The following GREB1L variants were observed in gnomAD, a reference collection of about 807,000 sequenced individuals.
GREB1L encodes GREB1 like retinoic acid receptor coactivator.
GREB1L carries 17 observed loss-of-function variants against 200.8 expected under a neutral mutation model. The ratio of observed to expected loss-of-function variants is 0.08; its 90% CI spans 0.06 to 0.13. GREB1L has a LOEUF of 0.13. Among genes scored for constraint, GREB1L ranks in the 10% least tolerant of loss-of-function variants. The pLI is 1.00. For synonymous variants in GREB1L, 789 were observed against 893.0 expected, an observed-to-expected ratio of 0.88 and a Z score of 2.08; for missense variants, 1,657 against 2,367.7, an observed-to-expected ratio of 0.70 and a Z score of 6.23.
intron 6 of GREB1L, among the ~76,000 whole-genome samples, chr18:21,402,298 C>T (rs1040763521): frequency 2.0e-5 from 3 of 151,916 alleles, no homozygotes; most frequent in African/African-American, 7.3e-5. Flanking sequence ...TTTTAATTCC[C>T]TTCTTTAGCC....
chr18:21,511,895 C>T (rs2037251877), intron 27 of GREB1L, among the ~76,000 whole-genome samples: 1 of 152,216 alleles, frequency 6.6e-6, no homozygotes, highest in South Asian at 2.1e-4. Flanking sequence ...CCTCCTACCT[C>T]AGTCTCCCAA....
intron 2 of GREB1L, among the ~76,000 whole-genome samples, chr18:21,383,194 T>A (rs1288067444): frequency 6.6e-6 from 1 of 152,070 alleles, no homozygotes; most frequent in Non-Finnish European, 1.5e-5. Flanking sequence ...GTTAACCAGG[T>A]TGGGATTCAT....
intron 1 of GREB1L, among the ~76,000 whole-genome samples, chr18:21,330,105 A>G (rs2039086386): frequency 6.6e-6 from 1 of 152,126 alleles, no homozygotes; most frequent in South Asian, 2.1e-4. Context: ...GGTCCTGGCT[A>G]TGGGTCAGCT....
intron 15 of GREB1L, among the ~76,000 whole-genome samples, chr18:21,457,310 C>T (rs1448331606): frequency 1.3e-5 from 2 of 152,048 alleles, no homozygotes; most frequent in Admixed American, 6.6e-5. Flanking sequence ...ATGTTTGGCA[C>T]ACTCAAAGCA....
At chr18:21,310,470 G>A (rs2038773179) in intron 1 of GREB1L, among the ~76,000 whole-genome samples, 1 of 152,182 alleles carries the variant, frequency 6.6e-6, no homozygotes, top group South Asian at 2.1e-4. Context: ...TCCTTTTCAT[G>A]TCTGACTTAC....
At chr18:21,269,056 G>A (rs1401166716) in intron 1 of GREB1L, among the ~76,000 whole-genome samples, 1 of 152,042 alleles carries the variant, frequency 6.6e-6, no homozygotes, top group Admixed American at 6.5e-5. Flanking sequence ...CCAGGAAAAG[G>A]GTTACTTTTC....
chr18:21,363,271 A>ACCCCCC (rs1567951929), intron 1 of GREB1L, among the ~76,000 whole-genome samples: 1 of 7,310 alleles, frequency 1.4e-4, no homozygotes, highest in Non-Finnish European at 2.6e-4. Context: ...CCCTGCCCCC[A>ACCCCCC]CTCCGCCTCC....
At chr18:21,412,846 C>A (rs966314619) in intron 7 of GREB1L, among the ~76,000 whole-genome samples, 1 of 152,072 alleles carries the variant, frequency 6.6e-6, no homozygotes, top group Admixed American at 6.5e-5. Flanking sequence ...TTACCACCCC[C>A]CCCCACCACC....
chr18:21,522,580 G>A, intron 32 of GREB1L, 78 bp from the exon 33 acceptor site: 1 of 1,143,528 alleles, frequency 8.7e-7, no homozygotes, highest in Non-Finnish European at 1.2e-6. Context: ...TGTTAGCTTA[G>A]GAAATATAAT....
chr18:21,320,718 A>C (rs1355731155), intron 1 of GREB1L, among the ~76,000 whole-genome samples: 2 of 151,910 alleles, frequency 1.3e-5, no homozygotes, highest in African/African-American at 4.8e-5. Flanking sequence ...GTGAGCTGAG[A>C]TCGCGCCACT....
At chr18:21,484,967 A>G (rs75764218) in intron 17 of GREB1L, among the ~76,000 whole-genome samples, 2,931 of 152,322 alleles carry the variant, frequency 0.019, 87 homozygotes, top group African/African-American at 0.063. Flanking sequence ...AGCTTATTTA[A>G]TATCGTAGAG....
chr18:21,519,481 CCCA>C (rs1429705671), intron 31 of GREB1L, among the ~76,000 whole-genome samples: 1 of 151,984 alleles, frequency 6.6e-6, no homozygotes, highest in East Asian at 1.9e-4. Context: ...CAAACCCACA[CCCA>C]CGAGATCTAA....
In GREB1L at chr18:21,505,490, T is replaced by C; in HGVS notation, c.4151T>C (p.Phe1384Ser). 6.4e-7 allele frequency: 1 copy of C among 1,551,690 alleles called. No homozygotes were observed. The highest frequency in any genetic ancestry group is 8.7e-7 in the Non-Finnish European group (1 of 1,146,996). Residue 1384 changes from phenylalanine (F) to serine (S), a missense_variant, in exon 24 of 33, where the codon TTT (phenylalanine) becomes TCT (serine). Phe to Ser is a radical substitution (Grantham distance 155). Transcript: ENST00000424526. ...PDIESFSKMP[F>S]DVSVHDPKYS... Reference sequence around the variant, plus strand: ...ATCGAGAGCTTCAGTAAAATGCCTTTTGATGTCAGTGTGCATGACCCCAAG... The same window carrying C: ...ATCGAGAGCTTCAGTAAAATGCCTTCTGATGTCAGTGTGCATGACCCCAAG...
chr18:21,415,246 TG>T (rs2031512445), intron 7 of GREB1L, among the ~76,000 whole-genome samples: 1 of 152,226 alleles, frequency 6.6e-6, no homozygotes, highest in South Asian at 2.1e-4. Context: ...CCAAGCGTGG[TG>T]GCTCACATCT....
chr18:21,288,241 A>C (rs1361660127), intron 1 of GREB1L, among the ~76,000 whole-genome samples: 3 of 151,926 alleles, frequency 2.0e-5, no homozygotes, highest in Admixed American at 6.6e-5. Context: ...TTTTTTTCCC[A>C]GAACAAGAAG....
At chr18:21,295,931 A>G (rs1363463590) in intron 1 of GREB1L, among the ~76,000 whole-genome samples, 1 of 152,228 alleles carries the variant, frequency 6.6e-6, no homozygotes, top group African/African-American at 2.4e-5. Flanking sequence ...AAAACAATGG[A>G]TGCTGGTGAG....
intron 10 of GREB1L, among the ~76,000 whole-genome samples, chr18:21,442,544 T>G (rs892953367): frequency 1.3e-5 from 2 of 149,838 alleles, no homozygotes; most frequent in African/African-American, 2.6e-5. Context: ...GACCCTTTGG[T>G]CCTTTGGTGC....
intron 29 of GREB1L, 50 bp downstream of exon 29, chr18:21,515,694 T>G (rs2037391869): frequency 7.8e-7 from 1 of 1,280,662 alleles, no homozygotes; most frequent in Non-Finnish European, 1.1e-6. Context: ...ACTGATTGCT[T>G]CTGCCCAGCT....
intron 7 of GREB1L, among the ~76,000 whole-genome samples, chr18:21,406,968 A>G (rs1430507268): frequency 3.4e-5 from 5 of 146,634 alleles, no homozygotes; most frequent in African/African-American, 1.3e-4. Flanking sequence ...TCCGCCTCCC[A>G]AGTTCAAGAG....
Sources: allele counts gnomAD v4.1 joint callset (sites outside exome capture counted in the v4.1 genomes callset), GRCh38; gene constraint gnomAD v4.1.1; transcripts MANE v1.5; gene names NCBI Gene and HGNC (gene_info 2026-07-23, HGNC 2026-07-21).